Variants in CNTN1 observed in about 807,000 individuals in gnomAD.
The protein encoded by CNTN1 is contactin 1, also known as contactin-1.
Under a neutral mutation model 126.4 loss-of-function variants are expected in CNTN1, and 38 were observed. The ratio of observed to expected loss-of-function variants is 0.30; its 90% CI spans 0.23 to 0.39. CNTN1 has a LOEUF of 0.39. Ranked by LOEUF, CNTN1 falls within the 10% of genes least tolerant of loss-of-function variation. The probability of loss-of-function intolerance (pLI) is 1.00; values close to 1 mark genes in which losing one functional copy is unlikely to be tolerated. For synonymous variants in CNTN1, 413 were observed against 422.6 expected (o/e 0.98, Z 0.28); for missense variants, 1,009 against 1,248.4 (o/e 0.81, Z 2.89).
intron 1 of CNTN1, among the ~76,000 whole-genome samples, chr12:40,848,147 T>C (rs1942585856): frequency 6.6e-6 from 1 of 152,160 alleles, no homozygotes. Context: ...ACTCTACAAA[T>C]ATTTTTTCTA....
At chr12:41,037,271 T>A (rs1049485045) in intron 23 of CNTN1, among the ~76,000 whole-genome samples, 3 of 152,158 alleles carry the variant, frequency 2.0e-5, no homozygotes, top group African/African-American at 7.2e-5. Flanking sequence ...ATAATACATA[T>A]AAGGTCATGC....
At chr12:40,881,808 G>A (rs1305520737) in intron 1 of CNTN1, among the ~76,000 whole-genome samples, 1 of 151,594 alleles carries the variant, frequency 6.6e-6, no homozygotes, top group Non-Finnish European at 1.5e-5. Context: ...AATGGACTCT[G>A]ATTTAAAAAA....
chr12:40,770,223 T>C (rs1414321887), intron 1 of CNTN1, among the ~76,000 whole-genome samples: 1 of 152,100 alleles, frequency 6.6e-6, no homozygotes, highest in Admixed American at 6.6e-5. Context: ...GGAGAATAAA[T>C]TGGCAGTCTT....
At chr12:40,840,135 G>T (rs1942217823) in intron 1 of CNTN1, among the ~76,000 whole-genome samples, 2 of 151,872 alleles carry the variant, frequency 1.3e-5, no homozygotes, top group Non-Finnish European at 2.9e-5. Context: ...TAGACTGAAA[G>T]TAAAGGAATG....
In CNTN1 at chr12:41,070,017, T is replaced by C; in HGVS notation, c.3039T>C (p.Leu1013=). The change falls in exon 24 of 24, where the codon CTT becomes CTC. Residue 1013 remains leucine, a synonymous_variant. Transcript: ENST00000551295. ...TACTGCTGCCTGCCTTTGGCATCCTTGTCTACTTGGAATTCTGAATGTGTT... is the reference window on the plus strand; with the variant it reads ...TACTGCTGCCTGCCTTTGGCATCCTCGTCTACTTGGAATTCTGAATGTGTT... The part of the protein sequence containing the change: ...LGLLLPAFGI[L]VYLEF The C allele has an allele frequency of 6.2e-7, 1 of 1,614,052 alleles. No individual in the cohort carries two copies. The highest frequency in any genetic ancestry group is 8.5e-7 in the Non-Finnish European group (1 of 1,179,958).
intron 23 of CNTN1, among the ~76,000 whole-genome samples, chr12:41,064,768 T>C (rs1002300261): frequency 1.0e-5 from 1 of 98,630 alleles, no homozygotes; most frequent in Non-Finnish European, 2.0e-5. Context: ...ATGCTACCTC[T>C]CTAGATAGAT....
In CNTN1 at chr12:40,993,264, G is replaced by A. The variant is rs752744686; in HGVS notation, c.2108G>A (p.Gly703Asp). Residue 703 changes from glycine to aspartate, a missense_variant, in exon 17 of 24, where the codon GGT becomes GAT. Gly to Asp is a moderately conservative substitution (Grantham distance 94). Transcript: ENST00000551295. ...CCATCTAACAGAATTAAAACAGACGGTGCTGGTATGTATATACAAGAAACT... is the reference window on the plus strand; with the variant it reads ...CCATCTAACAGAATTAAAACAGACGATGCTGGTATGTATATACAAGAAACT... Reference protein sequence around the residue: ...SIPSNRIKTDGAAPNVAPSDV... With the variant: ...SIPSNRIKTDDAAPNVAPSDV... 2 of 1,613,340 alleles carry A rather than the reference G, an allele frequency of 1.2e-6. No homozygotes were observed. The highest frequency in any genetic ancestry group is 1.7e-6 in the Non-Finnish European group (2 of 1,179,450).
intron 17 of CNTN1, among the ~76,000 whole-genome samples, chr12:41,004,204 A>G (rs887104506): frequency 6.6e-5 from 10 of 152,072 alleles, no homozygotes; most frequent in Non-Finnish European, 4.4e-5. Context: ...TATTTACCCA[A>G]ATATCATTCA....
At chr12:41,044,635 G>A (rs1949502532) in intron 23 of CNTN1, among the ~76,000 whole-genome samples, 1 of 152,062 alleles carries the variant, frequency 6.6e-6, no homozygotes, top group Admixed American at 6.6e-5. Context: ...TGGGAGGGTA[G>A]AATCTGGAAA....
intron 1 of CNTN1, among the ~76,000 whole-genome samples, chr12:40,813,830 A>G (rs1030438294): frequency 6.6e-6 from 1 of 152,032 alleles, no homozygotes; most frequent in Admixed American, 6.6e-5. Flanking sequence ...AAATATTTCT[A>G]TTTCTCCACA....
intron 1 of CNTN1, among the ~76,000 whole-genome samples, chr12:40,692,974 G>C (rs1941340796): frequency 6.6e-6 from 1 of 152,198 alleles, no homozygotes; most frequent in Non-Finnish European, 1.5e-5. Context: ...GGCAGCCCGG[G>C]GCCTGCAGGT....
intron 1 of CNTN1, among the ~76,000 whole-genome samples, chr12:40,726,795 A>G (rs1193261172): frequency 1.3e-5 from 2 of 152,070 alleles, no homozygotes; most frequent in Non-Finnish European, 2.9e-5. Context: ...CTTCAAAATC[A>G]GTAGACAAAC....
chr12:40,991,403 T>C (rs527974441), intron 16 of CNTN1, among the ~76,000 whole-genome samples: 1 of 152,206 alleles, frequency 6.6e-6, no homozygotes, highest in East Asian at 1.9e-4. Flanking sequence ...TTTTTTTTTT[T>C]CCATATAAGA....
At chr12:40,823,766 A>G (rs73118716) in intron 1 of CNTN1, among the ~76,000 whole-genome samples, 3,419 of 152,202 alleles carry the variant, frequency 0.022, 126 homozygotes, top group African/African-American at 0.078. Flanking sequence ...AATGTATTCA[A>G]CTACAGACTC....
chr12:40,985,200 TG>T, intron 16 of CNTN1, among the ~76,000 whole-genome samples: 1 of 152,152 alleles, frequency 6.6e-6, no homozygotes, highest in East Asian at 1.9e-4. Flanking sequence ...TCTTTTTCAC[TG>T]CTTTGAATAT....
At chr12:40,878,954 T>A (rs2136691582) in intron 1 of CNTN1, among the ~76,000 whole-genome samples, 1 of 152,302 alleles carries the variant, frequency 6.6e-6, no homozygotes, top group Admixed American at 6.5e-5. Flanking sequence ...AGCTTTCAAT[T>A]AGTTGTTTTG....
At chr12:40,880,408 A>T (rs1403058691) in intron 1 of CNTN1, among the ~76,000 whole-genome samples, 7 of 152,058 alleles carry the variant, frequency 4.6e-5, no homozygotes, top group Non-Finnish European at 1.0e-4. Flanking sequence ...GTAAATGGTT[A>T]TAAAGAAAAT....
rs999309071 is a variant in CNTN1, at chr12:41,071,593, G to A, written c.*1558G>A. The A allele has an allele frequency of 1.3e-5, 2 of 152,058 alleles. No individual in the cohort carries two copies. Among genetic ancestry groups the A allele is most frequent in the African/African-American group, 4.8e-5 (2 of 41,396 alleles). 9.4% of individuals were successfully genotyped at this position (152,058 alleles called of 1,614,324 possible). A position where few individuals can be genotyped will look rare whatever the true frequency, so the allele number is the denominator to read the frequency against. ...TAATTTTTGTACTATATATCGATGT[G>A]TAAATGTTTAGAGTCTTCATTATGA... On this transcript the variant is annotated 3_prime_UTR_variant, in exon 24 of 24. Coordinates refer to ENST00000551295, the MANE Select transcript of CNTN1 (RefSeq NM_001843.4).
At position 40,944,128 on chromosome 12, in the gene CNTN1, C is replaced by A; in HGVS notation, c.1641C>A (p.Ile547=). ...TTTGGTCCTTCAATGGCTATGTGATCGATTTTAACAAAGAGAATATTCACT... is the reference window on the plus strand; with the variant it reads ...TTTGGTCCTTCAATGGCTATGTGATAGATTTTAACAAAGAGAATATTCACT... ...TFVWSFNGYV[I]DFNKENIHYQ... The change falls in exon 14 of 24, where the codon ATC becomes ATA. Residue 547 remains isoleucine, a synonymous_variant. Transcript: ENST00000551295. The A allele has an allele frequency of 1.2e-6, 2 of 1,613,218 alleles. No homozygotes were observed. The highest frequency in any genetic ancestry group is 4.5e-5 in the East Asian group (2 of 44,842).
Sources: gnomAD v4.1 joint callset for allele counts (sites outside exome capture counted in the v4.1 genomes callset) on GRCh38, gnomAD v4.1.1 for gene constraint, MANE v1.5 for transcripts, NCBI Gene and HGNC (gene_info 2026-07-23, HGNC 2026-07-21) for gene names.